Variants in ADCY1 observed in about 807,000 individuals in gnomAD.
ADCY1 encodes adenylate cyclase 1, also known as adenylate cyclase type 1.
Under a neutral mutation model 105.4 loss-of-function variants are expected in ADCY1, and 28 were observed. The observed-to-expected ratio is 0.27, with a 90% confidence interval of 0.20 to 0.36. The LOEUF (loss-of-function observed/expected upper bound fraction) is 0.36, where lower values mean the gene tolerates loss of function less well. Among genes scored for constraint, ADCY1 ranks in the 10% least tolerant of loss-of-function variants. The pLI, the probability that ADCY1 is intolerant of heterozygous loss-of-function variation, is 1.00. For missense variants in ADCY1, 977 were observed against 1,434.2 expected (o/e 0.68, Z 5.15); for synonymous variants, 655 against 623.8 (o/e 1.05, Z -0.75).
At chr7:45,637,581 T>C (rs1164868755) in intron 4 of ADCY1, among the ~76,000 whole-genome samples, 7 of 152,014 alleles carry the variant, frequency 4.6e-5, no homozygotes, top group Non-Finnish European at 1.0e-4. Context: ...AAAACTTAAC[T>C]GGGTGTGGTG....
intron 4 of ADCY1, among the ~76,000 whole-genome samples, chr7:45,644,945 G>A (rs1357111): frequency 0.11 from 16,917 of 152,166 alleles, 987 homozygotes; most frequent in South Asian, 0.18. Flanking sequence ...ATGCCATGAG[G>A]GCCCAGGAGG....
chr7:45,676,009 T>A (rs1243772747), intron 8 of ADCY1, among the ~76,000 whole-genome samples: 2 of 152,108 alleles, frequency 1.3e-5, no homozygotes, highest in African/African-American at 4.8e-5. Context: ...GAATGTTAAA[T>A]TTTCCATTTT....
intron 1 of ADCY1, among the ~76,000 whole-genome samples, chr7:45,586,726 C>T (rs1440296951): frequency 1.3e-5 from 2 of 152,210 alleles, no homozygotes; most frequent in Non-Finnish European, 2.9e-5. Context: ...ACTGGGGGCT[C>T]AGTCAGGGAG....
rs762319970 is a variant in ADCY1 at position 45,660,200 on chromosome 7, C to T, written c.1449+17C>T. 2.5e-6 allele frequency: 4 copies of T among 1,613,784 alleles called. No individual in the cohort carries two copies. In the East Asian group the frequency reaches 8.9e-5, roughly 36 times the overall value. Reference sequence around the variant, plus strand: ...CGCCGAAAGGTAGGCACCAGAGCCCCCCTCATTTGGTTGATCCTTAGCTTC... The same window carrying T: ...CGCCGAAAGGTAGGCACCAGAGCCCTCCTCATTTGGTTGATCCTTAGCTTC... On this transcript the variant is annotated intron_variant, in intron 7 of 19. Transcript: ENST00000297323.
intron 2 of ADCY1, among the ~76,000 whole-genome samples, chr7:45,605,474 A>T (rs1193047839): frequency 4.0e-5 from 6 of 151,588 alleles, no homozygotes; most frequent in Admixed American, 2.6e-4. Flanking sequence ...TGAGGAGGAA[A>T]TTTTTTTTCT....
chr7:45,606,915 T>G (rs1309887561), intron 2 of ADCY1, among the ~76,000 whole-genome samples: 1 of 152,220 alleles, frequency 6.6e-6, no homozygotes, highest in Non-Finnish European at 1.5e-5. Context: ...TTCTTGACAC[T>G]AATGTTTACT....
intron 2 of ADCY1, among the ~76,000 whole-genome samples, chr7:45,601,536 T>C (rs1015607910): frequency 6.6e-6 from 1 of 152,122 alleles, no homozygotes; most frequent in Non-Finnish European, 1.5e-5. Flanking sequence ...ATTGTTTGTT[T>C]TTTTTTCCAG....
chr7:45,578,313 C>A (rs1231899705), intron 1 of ADCY1, among the ~76,000 whole-genome samples: 1 of 152,310 alleles, frequency 6.6e-6, no homozygotes, highest in Non-Finnish European at 1.5e-5. Flanking sequence ...GGGGAGGTAT[C>A]CATAAATATG....
intron 4 of ADCY1, among the ~76,000 whole-genome samples, chr7:45,628,840 C>T (rs190158315): frequency 3.9e-5 from 6 of 152,184 alleles, no homozygotes; most frequent in South Asian, 2.1e-4. Flanking sequence ...TACACCTCAC[C>T]GGGATTTCTG....
intron 2 of ADCY1, among the ~76,000 whole-genome samples, chr7:45,595,647 G>A (rs751084943): frequency 6.6e-6 from 1 of 152,190 alleles, no homozygotes; most frequent in Non-Finnish European, 1.5e-5. Context: ...CCCCAGGTCT[G>A]TTCCTCCAGC....
intron 17 of ADCY1, among the ~76,000 whole-genome samples, chr7:45,707,954 A>G (rs1400998565): frequency 6.6e-6 from 1 of 152,252 alleles, no homozygotes; most frequent in Non-Finnish European, 1.5e-5. Flanking sequence ...TCACACACAT[A>G]CATGACGATG....
intron 8 of ADCY1, among the ~76,000 whole-genome samples, chr7:45,669,292 C>G (rs1489995450): frequency 1.3e-5 from 2 of 152,160 alleles, no homozygotes; most frequent in South Asian, 4.2e-4. Flanking sequence ...CCTCTACACA[C>G]TGCTTTAAAT....
chr7:45,614,805 A>C (rs993861026), intron 3 of ADCY1, among the ~76,000 whole-genome samples: 9 of 152,244 alleles, frequency 5.9e-5, no homozygotes, highest in African/African-American at 2.2e-4. Flanking sequence ...TTATGATAAA[A>C]GGGTCAGCTC....
At chr7:45,610,734 AGGTGGG>A (rs1793519425) in intron 3 of ADCY1, among the ~76,000 whole-genome samples, 1 of 142,338 alleles carries the variant, frequency 7.0e-6, no homozygotes, top group Non-Finnish European at 1.5e-5. Context: ...GGGATAGTGG[AGGTGGG>A]GAGGTGATGA....
intron 1 of ADCY1, among the ~76,000 whole-genome samples, chr7:45,582,425 G>T (rs1030111272): frequency 6.6e-6 from 1 of 152,190 alleles, no homozygotes; most frequent in African/African-American, 2.4e-5. Context: ...GGGCTAGTGG[G>T]AGGGCAGGCA....
intron 1 of ADCY1, among the ~76,000 whole-genome samples, chr7:45,585,611 G>A (rs545627721): frequency 5.2e-4 from 79 of 152,112 alleles, no homozygotes; most frequent in African/African-American, 1.9e-3. Context: ...ACCACGCCCG[G>A]CTAATTTTGT....
Position 45,574,719 on chromosome 7 carries a change from C to T in ADCY1, c.176C>T (p.Ala59Val). The change falls in exon 1 of 20, where the codon GCG becomes GTG. Residue 59 changes from alanine (A) to valine (V), a missense_variant. Physicochemically the swap from Ala to Val is moderately conservative, Grantham distance 64. Around this residue, in one of 7 missense-constraint regions of ADCY1, gnomAD observed 209 missense variants for 222.5 expected, o/e 0.94. Transcript: ENST00000297323. This position sits in a 1 kb window ranked among gnomAD's most constrained non-coding sequence, Gnocchi z 7.0. ...GGCTACACGCTGCGGCTGGAGCAGGCGGCCACGCTGAAGGCGCTGGCCGTT... is the reference window on the plus strand; with the variant it reads ...GGCTACACGCTGCGGCTGGAGCAGGTGGCCACGCTGAAGGCGCTGGCCGTT... ...FRGYTLRLEQ[A>V]ATLKALAVLS... The T allele has an allele frequency of 3.5e-6, 5 of 1,409,854 alleles. No homozygotes were observed. The highest frequency in any genetic ancestry group is 1.5e-5 in the South Asian group (1 of 65,314). 87.3% of individuals were successfully genotyped at this position (1,409,854 alleles called of 1,614,324 possible). A position where few individuals can be genotyped will look rare whatever the true frequency, so the allele number is the denominator to read the frequency against.
intron 14 of ADCY1, among the ~76,000 whole-genome samples, chr7:45,690,347 G>C (rs1000340563): frequency 1.3e-4 from 20 of 152,156 alleles, no homozygotes; most frequent in African/African-American, 4.8e-4. Flanking sequence ...GGCATCTCCA[G>C]GCTGGTGTGG....
At chr7:45,629,619 C>T (rs1002465870) in intron 4 of ADCY1, among the ~76,000 whole-genome samples, 6 of 151,828 alleles carry the variant, frequency 4.0e-5, no homozygotes, top group African/African-American at 1.2e-4. Flanking sequence ...CCCGGGTTCA[C>T]GCCATTCTCC....
Sources: gnomAD v4.1 joint callset for allele counts (sites outside exome capture counted in the v4.1 genomes callset) on GRCh38, gnomAD v4.1.1 for gene constraint, gnomAD v4.1.1 regional missense constraint, Gnocchi (gnomAD v3.1) non-coding constraint, MANE v1.5 for transcripts, NCBI Gene and HGNC (gene_info 2026-07-23, HGNC 2026-07-21) for gene names.